Variants in COP1 observed in about 807,000 individuals in gnomAD.
COP1 encodes COP1 E3 ubiquitin ligase.
A neutral mutation model predicts 101.3 loss-of-function variants in COP1; 24 were observed. The observed-to-expected ratio is 0.24, with a 90% CI of 0.17 to 0.33. The LOEUF (loss-of-function observed/expected upper bound fraction) is 0.33. Ranked by LOEUF, COP1 falls within the 10% of genes least tolerant of loss-of-function variation. The pLI is 1.00. For missense variants in COP1, 663 were observed against 906.2 expected (o/e 0.73, Z 3.45); for synonymous variants, 347 against 341.9 (o/e 1.01, Z -0.17).
chr1:175,965,620 G>A (rs762397307), intron 18 of COP1, among the ~76,000 whole-genome samples: 2 of 149,310 alleles, frequency 1.3e-5, no homozygotes, highest in Admixed American at 6.7e-5. Context: ...ATGGAGTCTC[G>A]CTCTGTCGCT....
chr1:176,002,081 T>C lies in COP1; in HGVS notation c.1730-12602A>G, dbSNP rs149158391. 2.6e-3 allele frequency among the ~76,000 whole-genome samples: 399 copies of C among 152,178 alleles called. 3 individuals are homozygous for C. Among genetic ancestry groups the C allele is most frequent in the African/African-American group, 9.2e-3 (381 of 41,524 alleles). ...ATGATGAGTTTAGGTGTACATCTTA[T>C]CTACTTGGGGTTTATTGAGCTTTTT... is the stretch of plus-strand genomic sequence containing the variant. On this transcript the variant is annotated intron_variant, in intron 15 of 19. Coordinates refer to ENST00000367669, the MANE Select transcript of COP1 (RefSeq NM_022457.7).
chr1:176,033,815 A>G (rs1162823794), intron 14 of COP1, among the ~76,000 whole-genome samples: 1 of 152,218 alleles, frequency 6.6e-6, no homozygotes, highest in African/African-American at 2.4e-5. Context: ...TGTTTAAAAA[A>G]TTCCTCAGTT....
At chr1:175,981,886 T>C (rs1220565443) in intron 18 of COP1, among the ~76,000 whole-genome samples, 2 of 151,952 alleles carry the variant, frequency 1.3e-5, no homozygotes, top group Non-Finnish European at 2.9e-5. Flanking sequence ...TATGAAAAAA[T>C]GCTCAATATC....
Position 176,174,185 on chromosome 1 carries a change from A to T in COP1, c.565+1725T>A, listed in dbSNP as rs576702923. Among the ~76,000 whole-genome samples, 5 of 152,178 alleles carry T rather than the reference A, an allele frequency of 3.3e-5. No homozygotes were observed. The East Asian group carries it at 9.7e-4, about 29-fold the overall frequency. ...ATCTAGTAAACACCAAAATCTTCAG[A>T]ACATCACATTCCTTTATATATTTAA... On this transcript the variant is annotated intron_variant, in intron 3 of 19. Transcript: ENST00000367669.
chr1:176,035,709 C>CAAAAAAAAAAAA (rs1669380848), intron 14 of COP1, among the ~76,000 whole-genome samples: 1 of 27,658 alleles, frequency 3.6e-5, no homozygotes, highest in African/African-American at 8.6e-5. Flanking sequence ...TAAAACGAGA[C>CAAAAAAAAAAAA]CAAAAAAAAA....
intron 3 of COP1, among the ~76,000 whole-genome samples, chr1:176,170,565 T>C (rs1259538280): frequency 6.6e-6 from 1 of 152,224 alleles, no homozygotes; most frequent in Non-Finnish European, 1.5e-5. Context: ...GTCTCAACAG[T>C]GGTCTTACGA....
intron 8 of COP1, among the ~76,000 whole-genome samples, chr1:176,132,252 A>G (rs72715115): frequency 6.6e-6 from 1 of 151,838 alleles, no homozygotes; most frequent in Admixed American, 6.6e-5. Context: ...ACACTATCCC[A>G]TAACTTTCCA....
intron 14 of COP1, among the ~76,000 whole-genome samples, chr1:176,038,977 T>C (rs1670053368): frequency 6.6e-6 from 1 of 152,142 alleles, no homozygotes; most frequent in African/African-American, 2.4e-5. Flanking sequence ...CAACTGGATG[T>C]AACTGACATC....
chr1:176,006,309 C>T (rs931244775), intron 15 of COP1, among the ~76,000 whole-genome samples: 5 of 152,102 alleles, frequency 3.3e-5, no homozygotes, highest in Admixed American at 6.5e-5. Context: ...TCCAATTTGC[C>T]AGTCTGTGTC....
At chr1:176,094,334 T>G (rs1015081393) in intron 9 of COP1, among the ~76,000 whole-genome samples, 1 of 151,822 alleles carries the variant, frequency 6.6e-6, no homozygotes, top group African/African-American at 2.4e-5. Context: ...ATGCAACACT[T>G]GGGTCATCAT....
intron 2 of COP1, among the ~76,000 whole-genome samples, chr1:176,182,080 T>C (rs1489259730): frequency 6.6e-6 from 1 of 152,206 alleles, no homozygotes; most frequent in Non-Finnish European, 1.5e-5. Flanking sequence ...TTTATTCCAC[T>C]TCACAACATA....
chr1:176,001,897 T>C (rs988533888), intron 15 of COP1, among the ~76,000 whole-genome samples: 2 of 152,156 alleles, frequency 1.3e-5, no homozygotes, highest in African/African-American at 4.8e-5. Flanking sequence ...TTCCTTTCAA[T>C]ACTTTAAACA....
intron 5 of COP1, among the ~76,000 whole-genome samples, chr1:176,149,610 CA>C (rs1451886221): frequency 6.6e-6 from 1 of 151,836 alleles, no homozygotes; most frequent in South Asian, 2.1e-4. Context: ...CAACTGAAAA[CA>C]AAAAAATTTA....
chr1:176,087,231 T>C (rs1027671918), intron 9 of COP1, among the ~76,000 whole-genome samples: 1 of 152,118 alleles, frequency 6.6e-6, no homozygotes, highest in Non-Finnish European at 1.5e-5. Context: ...CCAAAAGCAA[T>C]GGCAACAAAA....
intron 2 of COP1, among the ~76,000 whole-genome samples, chr1:176,181,888 A>G (rs1697829616): frequency 6.6e-6 from 1 of 152,006 alleles, no homozygotes; most frequent in African/African-American, 2.4e-5. Context: ...CGTTCTCATC[A>G]GGGTATAACA....
chr1:176,012,023 A>G (rs2148958959), intron 15 of COP1, among the ~76,000 whole-genome samples: 1 of 152,330 alleles, frequency 6.6e-6, no homozygotes, highest in East Asian at 1.9e-4. Context: ...AAAAAACTGT[A>G]ATACAACCTC....
intron 9 of COP1, among the ~76,000 whole-genome samples, chr1:176,105,216 T>C (rs1157488160): frequency 6.6e-6 from 1 of 152,140 alleles, no homozygotes; most frequent in Non-Finnish European, 1.5e-5. Flanking sequence ...ATTATAACTT[T>C]TTATACAGCT....
chr1:176,016,266 T>C (rs1451574027), intron 15 of COP1, among the ~76,000 whole-genome samples: 1 of 151,566 alleles, frequency 6.6e-6, no homozygotes, highest in Non-Finnish European at 1.5e-5. Flanking sequence ...GAGAACAGAG[T>C]ATCAAAGAAT....
intron 11 of COP1, among the ~76,000 whole-genome samples, chr1:176,055,285 A>AG (rs1673258522): frequency 1.3e-5 from 2 of 152,308 alleles, no homozygotes; most frequent in South Asian, 4.1e-4. Flanking sequence ...AATACAAAAA[A>AG]TTAGCTGTGC....
Sources: allele counts gnomAD v4.1 joint callset (sites outside exome capture counted in the v4.1 genomes callset), GRCh38; gene constraint gnomAD v4.1.1; transcripts MANE v1.5; gene names NCBI Gene and HGNC (gene_info 2026-07-23, HGNC 2026-07-21).